LRP1B: variants seen among roughly 807,000 people sequenced by gnomAD.
LRP1B encodes LDL receptor related protein 1B, also known as low-density lipoprotein receptor-related protein 1B.
In LRP1B, 217 loss-of-function variants were observed where a neutral mutation model predicts 556.6. That is an observed-to-expected ratio of 0.39 (90% CI 0.35 to 0.44). The LOEUF (loss-of-function observed/expected upper bound fraction) is 0.44. Ranked by LOEUF, LRP1B falls within the 20% of genes least tolerant of loss-of-function variation. The probability of loss-of-function intolerance (pLI) is 1.00; values close to 1 mark genes in which losing one functional copy is unlikely to be tolerated. For synonymous variants in LRP1B, 2,047 were observed against 1,865.8 expected (o/e 1.10, Z -2.50); for missense variants, 5,053 against 5,620.8 (o/e 0.90, Z 3.23).
At chr2:140,486,883 T>C (rs1234396340) in intron 58 of LRP1B, among the ~76,000 whole-genome samples, 1 of 151,932 alleles carries the variant, frequency 6.6e-6, no homozygotes, top group Non-Finnish European at 1.5e-5. Flanking sequence ...TAAGATCTCA[T>C]TAATATTTTC....
At chr2:141,436,074 G>C (rs1310981664) in intron 3 of LRP1B, among the ~76,000 whole-genome samples, 2 of 152,124 alleles carry the variant, frequency 1.3e-5, no homozygotes, top group African/African-American at 4.8e-5. Context: ...GACTCTTTCT[G>C]TTCTTTCAAA....
At chr2:141,287,915 C>G (rs1260619789) in intron 3 of LRP1B, among the ~76,000 whole-genome samples, 1 of 152,130 alleles carries the variant, frequency 6.6e-6, no homozygotes, top group Non-Finnish European at 1.5e-5. Context: ...CTTCCTGCCT[C>G]CTTTTAAATT....
chr2:140,576,865 C>G (rs990314268), intron 43 of LRP1B, among the ~76,000 whole-genome samples: 5 of 152,172 alleles, frequency 3.3e-5, no homozygotes, highest in African/African-American at 1.2e-4. Context: ...AGTCTCTCTC[C>G]TTTCTTACAG....
intron 7 of LRP1B, among the ~76,000 whole-genome samples, chr2:141,149,268 A>G (rs1330290723): frequency 1.3e-5 from 2 of 151,700 alleles, no homozygotes; most frequent in Non-Finnish European, 2.9e-5. Context: ...TATTCATACT[A>G]CTAGTTTTCC....
At chr2:141,945,775 A>G (rs887469945) in intron 1 of LRP1B, among the ~76,000 whole-genome samples, 4 of 120,600 alleles carry the variant, frequency 3.3e-5, no homozygotes, top group African/African-American at 1.1e-4. Context: ...TGTCTCATAA[A>G]TCTCAGCAAA....
At chr2:140,362,895 G>A (rs527839841) in intron 72 of LRP1B, among the ~76,000 whole-genome samples, 8 of 151,528 alleles carry the variant, frequency 5.3e-5, no homozygotes, top group African/African-American at 1.9e-4. Context: ...TGAGGTGAGG[G>A]TTCGTGTTCA....
chr2:141,728,110 C>T (rs1195547645), intron 2 of LRP1B, among the ~76,000 whole-genome samples: 1 of 151,902 alleles, frequency 6.6e-6, no homozygotes, highest in Non-Finnish European at 1.5e-5. Context: ...GTGAAATGTT[C>T]CGCTGGAGAG....
intron 2 of LRP1B, among the ~76,000 whole-genome samples, chr2:141,639,225 C>T (rs1360710885): frequency 1.4e-5 from 2 of 139,324 alleles, no homozygotes; most frequent in African/African-American, 2.6e-5. Context: ...TTTGCATGGT[C>T]TCTTCACGCA....
At chr2:141,939,456 C>T (rs1379293007) in intron 1 of LRP1B, among the ~76,000 whole-genome samples, 1 of 152,046 alleles carries the variant, frequency 6.6e-6, no homozygotes, top group Non-Finnish European at 1.5e-5. Context: ...AAAGGACAAA[C>T]TCCATGGTGT....
At chr2:142,109,358 T>G (rs1357267100) in intron 1 of LRP1B, among the ~76,000 whole-genome samples, 4 of 152,196 alleles carry the variant, frequency 2.6e-5, no homozygotes, top group African/African-American at 7.2e-5. Context: ...CATGGCTCCC[T>G]GCTGGCTCCC....
intron 2 of LRP1B, among the ~76,000 whole-genome samples, chr2:141,504,483 C>T (rs912905922): frequency 1.2e-4 from 19 of 152,050 alleles, no homozygotes; most frequent in Non-Finnish European, 2.8e-4. Flanking sequence ...AGAAATAACT[C>T]ATACTAAGTG....
At chr2:140,708,437 A>T (rs1686916714) in intron 37 of LRP1B, among the ~76,000 whole-genome samples, 2 of 151,742 alleles carry the variant, frequency 1.3e-5, no homozygotes, top group South Asian at 4.1e-4. Context: ...TAGGACAATT[A>T]TTATGTGTAT....
At chr2:140,825,151 G>A (rs1296760469) in intron 31 of LRP1B, among the ~76,000 whole-genome samples, 3 of 152,150 alleles carry the variant, frequency 2.0e-5, no homozygotes, top group Non-Finnish European at 4.4e-5. Flanking sequence ...TCAGGGAAGG[G>A]TTCTTGGAAA....
intron 2 of LRP1B, among the ~76,000 whole-genome samples, chr2:141,516,692 C>CTCTTT (rs1559116115): frequency 8.0e-6 from 1 of 124,578 alleles, no homozygotes. Flanking sequence ...CTCTCTCTCT[C>CTCTTT]TTTTTTTTTT....
At chr2:141,504,680 A>C (rs758312274) in intron 2 of LRP1B, among the ~76,000 whole-genome samples, 6 of 152,026 alleles carry the variant, frequency 3.9e-5, no homozygotes, top group Non-Finnish European at 5.9e-5. Flanking sequence ...GATCAAGAAC[A>C]CTCTGGAACT....
chr2:141,819,428 T>C (rs908175105), intron 1 of LRP1B, among the ~76,000 whole-genome samples: 1 of 152,184 alleles, frequency 6.6e-6, no homozygotes, highest in Non-Finnish European at 1.5e-5. Context: ...ACTTCACGTT[T>C]GCAATAACGT....
chr2:141,091,453 T>G (rs573907413), intron 7 of LRP1B, among the ~76,000 whole-genome samples: 8 of 152,336 alleles, frequency 5.3e-5, no homozygotes, highest in African/African-American at 1.9e-4. Flanking sequence ...CTGGGGCCAC[T>G]GACTGTGTGG....
intron 1 of LRP1B, among the ~76,000 whole-genome samples, chr2:141,890,323 C>CATAT (rs556472129): frequency 0.16 from 13,645 of 83,124 alleles, 800 homozygotes; most frequent in South Asian, 0.2. Flanking sequence ...GGGCACAATA[C>CATAT]ATATATATAT....
At chr2:140,520,108 A>G (rs1690094586) in intron 49 of LRP1B, among the ~76,000 whole-genome samples, 1 of 152,206 alleles carries the variant, frequency 6.6e-6, no homozygotes, top group South Asian at 2.1e-4. Context: ...ATTACTGGGT[A>G]TATACCCAAA....
Sources: allele counts gnomAD v4.1 joint callset (sites outside exome capture counted in the v4.1 genomes callset), GRCh38; gene constraint gnomAD v4.1.1; transcripts MANE v1.5; gene names NCBI Gene and HGNC (gene_info 2026-07-23, HGNC 2026-07-21).